The following NXN variants were observed in gnomAD, a reference collection of about 807,000 sequenced individuals.
NXN encodes the protein nucleoredoxin 1.
In NXN, 16 loss-of-function variants were observed where a neutral mutation model predicts 48.6. The observed-to-expected ratio is 0.33, with a 90% CI of 0.22 to 0.50. The LOEUF (loss-of-function observed/expected upper bound fraction) is 0.50, where lower values mean the gene tolerates loss of function less well. Ranked by LOEUF, NXN falls within the 20% of genes least tolerant of loss-of-function variation. The pLI, the probability that NXN is intolerant of heterozygous loss-of-function variation, is 0.98. For synonymous variants in NXN, 281 were observed against 269.6 expected, an observed-to-expected ratio of 1.04 and a Z score of -0.41; for missense variants, 492 against 605.5, an observed-to-expected ratio of 0.81 and a Z score of 1.97.
chr17:945,517 C>T (rs1443821809), intron 1 of NXN, among the ~76,000 whole-genome samples: 1 of 150,714 alleles, frequency 6.6e-6, no homozygotes, highest in Non-Finnish European at 1.5e-5. Context: ...TGTAGTCCCA[C>T]CTACTTGGGA....
intron 1 of NXN, among the ~76,000 whole-genome samples, chr17:867,021 G>A (rs917796251): frequency 1.4e-5 from 2 of 147,312 alleles, no homozygotes; most frequent in South Asian, 2.3e-4. Flanking sequence ...GCAAGTTCTC[G>A]GGGTTCTCCG....
intron 1 of NXN, among the ~76,000 whole-genome samples, chr17:957,542 G>C (rs915795710): frequency 5.9e-5 from 9 of 151,370 alleles, no homozygotes; most frequent in Non-Finnish European, 1.3e-4. Flanking sequence ...TGAGGCAGGA[G>C]AACTGCTTGA....
chr17:831,177 T>A (rs1282255652), intron 1 of NXN, among the ~76,000 whole-genome samples: 2 of 151,752 alleles, frequency 1.3e-5, no homozygotes, highest in African/African-American at 4.8e-5. Context: ...AGTTGCCCCT[T>A]GGCTGGGTGC....
At chr17:888,249 C>A (rs1450748857) in intron 1 of NXN, among the ~76,000 whole-genome samples, 1 of 152,330 alleles carries the variant, frequency 6.6e-6, no homozygotes, top group Non-Finnish European at 1.5e-5. Context: ...GACAGGGCCT[C>A]GCTCTGTTCC....
intron 1 of NXN, among the ~76,000 whole-genome samples, chr17:841,830 C>T (rs1298617451): frequency 6.6e-6 from 1 of 152,200 alleles, no homozygotes; most frequent in African/African-American, 2.4e-5. Flanking sequence ...ACCTGTTCTA[C>T]ATCCTTCCAA....
In NXN at chr17:841,522, CCCCCG is replaced by C. The variant is rs1567827734; in HGVS notation, c.361-15449_361-15445del. Among the ~76,000 whole-genome samples the C allele has an allele frequency of 9.6e-3, 1,077 of 112,228 alleles. 53 individuals are homozygous for C. Among genetic ancestry groups the C allele is most frequent in the East Asian group, 0.043 (167 of 3,912 alleles). 73.6% of individuals were successfully genotyped at this position (112,228 alleles called of 152,430 possible). ...CGCATCTCACACGGGCGAGCAGGTC[CCCCCG>C]ACCATGGAGCATCTCACGCCGGCGA... is the stretch of plus-strand genomic sequence containing the variant. On this transcript the variant is annotated intron_variant, in intron 1 of 7. Coordinates refer to ENST00000336868, the MANE Select transcript of NXN (RefSeq NM_022463.5).
At chr17:972,894 G>A (rs1310645982) in intron 1 of NXN, among the ~76,000 whole-genome samples, 1 of 152,090 alleles carries the variant, frequency 6.6e-6, no homozygotes, top group African/African-American at 2.4e-5. Context: ...AGCCAGGGGT[G>A]GTGACGGGCC....
At chr17:882,596 A>G (rs911228110) in intron 1 of NXN, among the ~76,000 whole-genome samples, 4 of 147,526 alleles carry the variant, frequency 2.7e-5, no homozygotes, top group African/African-American at 1.0e-4. Flanking sequence ...CTCCCATGTA[A>G]CTGGGACTTC....
rs1174613920 is a variant in NXN at position 920,627 on chromosome 17, G to A, written c.360+58692C>T. On this transcript the variant is annotated intron_variant, in intron 1 of 7. Coordinates refer to ENST00000336868, the MANE Select transcript of NXN (RefSeq NM_022463.5). The surrounding 1 kb of genome is among the most constrained non-coding windows in gnomAD (Gnocchi z 4.6). ...GGGTCTCATCAACTGTACCCTCACTGGCAGCACCCAGGACGTTCTCAATGA... is the reference window on the plus strand; with the variant it reads ...GGGTCTCATCAACTGTACCCTCACTAGCAGCACCCAGGACGTTCTCAATGA... 6.6e-6 allele frequency among the ~76,000 whole-genome samples: 1 copy of A among 152,078 alleles called. No individual in the cohort carries two copies. The highest frequency in any genetic ancestry group is 2.4e-5 in the African/African-American group (1 of 41,416).
chr17:966,694 G>A (rs925737519), intron 1 of NXN, among the ~76,000 whole-genome samples: 2 of 151,714 alleles, frequency 1.3e-5, no homozygotes, highest in East Asian at 1.9e-4. Flanking sequence ...TTCTTCCAAC[G>A]TGGCCCAGGG....
intron 1 of NXN, among the ~76,000 whole-genome samples, chr17:900,238 C>G: frequency 6.6e-6 from 1 of 151,746 alleles, no homozygotes. Context: ...TGCACTCCAG[C>G]CTGGGCAACA....
intron 1 of NXN, among the ~76,000 whole-genome samples, chr17:927,177 G>A: frequency 6.6e-6 from 1 of 151,924 alleles, no homozygotes; most frequent in Non-Finnish European, 1.5e-5. Flanking sequence ...GCCAGGCGTG[G>A]TGGCAGGCGC....
intron 1 of NXN, among the ~76,000 whole-genome samples, chr17:881,849 C>A (rs754470987): frequency 6.6e-6 from 1 of 152,012 alleles, no homozygotes; most frequent in African/African-American, 2.4e-5. Context: ...AAATGAAGCC[C>A]GACACAAAAT....
intron 1 of NXN, among the ~76,000 whole-genome samples, chr17:912,728 G>A (rs1179895379): frequency 2.0e-5 from 3 of 152,068 alleles, no homozygotes; most frequent in African/African-American, 4.8e-5. Flanking sequence ...CGATGCGGGC[G>A]GATCACCTGA....
At position 975,026 on chromosome 17, in the gene NXN, T is replaced by C. The variant is rs566873706; in HGVS notation, c.360+4293A>G. On this transcript the variant is annotated intron_variant, in intron 1 of 7. Coordinates refer to ENST00000336868, the MANE Select transcript of NXN (RefSeq NM_022463.5). Reference sequence around the variant, plus strand: ...TTTTTGCAAAGACAATGTTTCACCATGTTGCCCAGGCTGGTCTCAAACTCC... The same window carrying C: ...TTTTTGCAAAGACAATGTTTCACCACGTTGCCCAGGCTGGTCTCAAACTCC... Among the ~76,000 whole-genome samples the C allele has an allele frequency of 5.9e-5, 9 of 152,190 alleles. No homozygotes were observed. In the South Asian group the frequency reaches 1.9e-3, roughly 32 times the overall value.
chr17:979,496 C>A lies in NXN; in HGVS notation c.183G>T (p.Arg61=), dbSNP rs767201883. 20 of 1,215,040 alleles carry A rather than the reference C, an allele frequency of 1.6e-5. No individual in the cohort carries two copies. Among genetic ancestry groups the A allele is most frequent in the Non-Finnish European group, 2.0e-5 (19 of 973,892 alleles). The allele number at this position is 1,215,040 out of a possible 1,614,324, so 75.3% of individuals were successfully genotyped here. A position where few individuals can be genotyped will look rare whatever the true frequency, so the allele number is the denominator to read the frequency against. ...ASLAAFYGRL[R]GDAAAGPGPG... ...GCCCCGGCCCGGCCGCCGCGTCCCC[C>A]CGCAGGCGCCCGTAGAAGGCGGCCA... The change falls in exon 1 of 8, where the codon CGG becomes CGT. Residue 61 remains arginine, a synonymous_variant. Transcript: ENST00000336868.
At chr17:841,374 C>A (rs1011097542) in intron 1 of NXN, among the ~76,000 whole-genome samples, 1 of 67,846 alleles carries the variant, frequency 1.5e-5, no homozygotes, top group African/African-American at 5.7e-5. Flanking sequence ...GAGCAGCCCA[C>A]ACACGGTGCA....
intron 1 of NXN, among the ~76,000 whole-genome samples, chr17:938,285 G>A (rs1026467327): frequency 3.9e-5 from 6 of 152,234 alleles, no homozygotes; most frequent in South Asian, 4.1e-4. Flanking sequence ...CCAGGTCGGC[G>A]GTTAGATCTA....
chr17:835,171 G>A (rs1020185245), intron 1 of NXN, among the ~76,000 whole-genome samples: 1 of 151,702 alleles, frequency 6.6e-6, no homozygotes, highest in African/African-American at 2.4e-5. Flanking sequence ...AGCCGGGTGT[G>A]GTGACGGGTG....
Sources: allele counts gnomAD v4.1 joint callset (sites outside exome capture counted in the v4.1 genomes callset), GRCh38; gene constraint gnomAD v4.1.1; non-coding constraint Gnocchi (gnomAD v3.1); transcripts MANE v1.5; gene names NCBI Gene and HGNC (gene_info 2026-07-23, HGNC 2026-07-21).